Variants in TNFSF4 observed in about 807,000 individuals in gnomAD.
TNFSF4 encodes the protein TNF superfamily member 4, also known as tumor necrosis factor ligand superfamily member 4.
TNFSF4 carries 4 observed loss-of-function variants against 7.3 expected under a neutral mutation model. The ratio of observed to expected loss-of-function variants is 0.55; its 90% CI spans 0.27 to 1.25. The LOEUF (loss-of-function observed/expected upper bound fraction) is 1.25. Ranked by LOEUF, TNFSF4 falls within the 50% of genes most tolerant of loss-of-function variation. The pLI is 0.12. For missense variants in TNFSF4, 181 were observed against 208.8 expected (o/e 0.87, Z 0.82); for synonymous variants, 76 against 83.7 (o/e 0.91, Z 0.50).
the TNFSF4 span, among the ~76,000 whole-genome samples, chr1:173,359,510 T>TAAAA: frequency 9.4e-3 from 1,153 of 122,396 alleles, 41 homozygotes; most frequent in Non-Finnish European, 0.014. Flanking sequence ...TTACCAGCTG[T>TAAAA]AAAAAAAAAA....
the TNFSF4 span, among the ~76,000 whole-genome samples, chr1:173,332,536 A>T: frequency 2.0e-5 from 3 of 149,934 alleles, no homozygotes; most frequent in Non-Finnish European, 3.0e-5. Flanking sequence ...GTCTCAAAAT[A>T]AATAAATTAA....
chr1:173,290,466 AAATCAAAAAT>A, the TNFSF4 span, among the ~76,000 whole-genome samples: 3 of 152,206 alleles, frequency 2.0e-5, no homozygotes, highest in Admixed American at 1.3e-4. Context: ...AACAAATTTT[AAATCAAAAAT>A]AATAAAAAAC....
the TNFSF4 span, among the ~76,000 whole-genome samples, chr1:173,269,420 G>T: frequency 1.3e-5 from 2 of 152,016 alleles, no homozygotes; most frequent in African/African-American, 4.8e-5. Context: ...TCCTTATTAA[G>T]CTGAGAACTT....
At chr1:173,246,190 G>A in the TNFSF4 span, among the ~76,000 whole-genome samples, 1 of 152,112 alleles carries the variant, frequency 6.6e-6, no homozygotes, top group Non-Finnish European at 1.5e-5. Context: ...GGATACATGT[G>A]CAGAATGTGC....
the TNFSF4 span, among the ~76,000 whole-genome samples, chr1:173,430,007 T>C: frequency 4.6e-5 from 7 of 152,208 alleles, no homozygotes; most frequent in Admixed American, 3.3e-4. Flanking sequence ...TTTTAACCTT[T>C]ATCACAGTCC....
the TNFSF4 span, among the ~76,000 whole-genome samples, chr1:173,360,884 T>C: frequency 6.6e-6 from 1 of 152,300 alleles, no homozygotes; most frequent in Non-Finnish European, 1.5e-5. Context: ...ACACTATGCA[T>C]TGCTGATAGG....
chr1:173,430,804 A>G, the TNFSF4 span, among the ~76,000 whole-genome samples: 6 of 152,224 alleles, frequency 3.9e-5, no homozygotes, highest in African/African-American at 1.2e-4. Context: ...ACTTAATCCT[A>G]TAAAAATCTC....
the TNFSF4 span, among the ~76,000 whole-genome samples, chr1:173,322,551 G>A: frequency 6.6e-6 from 1 of 152,078 alleles, no homozygotes; most frequent in South Asian, 2.1e-4. Flanking sequence ...AGGACACTGG[G>A]TGCAGCACAC....
At chr1:173,314,980 G>A in the TNFSF4 span, among the ~76,000 whole-genome samples, 1 of 152,128 alleles carries the variant, frequency 6.6e-6, no homozygotes, top group Non-Finnish European at 1.5e-5. Context: ...AGGCAACACA[G>A]TGGAAACTCA....
At chr1:173,198,733 C>A (rs898931878) in intron 1 of TNFSF4, among the ~76,000 whole-genome samples, 1 of 152,176 alleles carries the variant, frequency 6.6e-6, no homozygotes, top group African/African-American at 2.4e-5. Flanking sequence ...CAAGCTTGCA[C>A]ATGTACCCCT....
the TNFSF4 span, among the ~76,000 whole-genome samples, chr1:173,411,349 C>T: frequency 1.3e-5 from 2 of 152,196 alleles, no homozygotes; most frequent in Non-Finnish European, 2.9e-5. Flanking sequence ...TCTTCCCTAG[C>T]TCTGTGATGA....
the TNFSF4 span, among the ~76,000 whole-genome samples, chr1:173,213,876 G>A: frequency 2.6e-5 from 4 of 152,128 alleles, no homozygotes; most frequent in Admixed American, 6.5e-5. Flanking sequence ...CCCCCTAGGG[G>A]TCATTTGAAA....
At chr1:173,249,204 T>C in the TNFSF4 span, among the ~76,000 whole-genome samples, 1 of 152,144 alleles carries the variant, frequency 6.6e-6, no homozygotes, top group African/African-American at 2.4e-5. Context: ...TGGAAAATAC[T>C]AGAGAGTGAG....
the TNFSF4 span, among the ~76,000 whole-genome samples, chr1:173,355,051 A>G: frequency 1.6e-4 from 24 of 152,174 alleles, no homozygotes; most frequent in African/African-American, 4.8e-5. Flanking sequence ...GCTCTGGGAG[A>G]TAATCTGTTC....
chr1:173,402,254 C>T, the TNFSF4 span, among the ~76,000 whole-genome samples: 2 of 152,328 alleles, frequency 1.3e-5, no homozygotes, highest in East Asian at 3.9e-4. Context: ...AATACCTGTA[C>T]TTACCATAGG....
the TNFSF4 span, among the ~76,000 whole-genome samples, chr1:173,394,414 T>C: frequency 2.0e-5 from 3 of 152,188 alleles, no homozygotes; most frequent in Admixed American, 6.5e-5. Context: ...TATTTCCAGA[T>C]ACTTTACTGT....
the TNFSF4 span, among the ~76,000 whole-genome samples, chr1:173,297,717 A>AAATG: frequency 1.3e-5 from 2 of 151,980 alleles, no homozygotes; most frequent in Non-Finnish European, 2.9e-5. Context: ...GGAAATAGAT[A>AAATG]AATGAATGAA....
At chr1:173,413,447 A>C in the TNFSF4 span, among the ~76,000 whole-genome samples, 1 of 152,236 alleles carries the variant, frequency 6.6e-6, no homozygotes. Flanking sequence ...GACAGGAGGC[A>C]GAGTTGCCTC....
the TNFSF4 span, among the ~76,000 whole-genome samples, chr1:173,368,480 G>A: frequency 8.7e-3 from 1,321 of 152,174 alleles, 16 homozygotes; most frequent in African/African-American, 0.03. Flanking sequence ...CTCAGAATTC[G>A]GGGGCTAAAT....
Sources: gnomAD v4.1 joint callset for allele counts (sites outside exome capture counted in the v4.1 genomes callset) on GRCh38, gnomAD v4.1.1 for gene constraint, MANE v1.5 for transcripts, NCBI Gene and HGNC (gene_info 2026-07-23, HGNC 2026-07-21) for gene names.